The following RREB1 variants were observed in gnomAD, a reference collection of about 807,000 sequenced individuals.
The protein encoded by RREB1 is ras-responsive element-binding protein 1.
A neutral mutation model predicts 117.8 loss-of-function variants in RREB1; 27 were observed. The ratio of observed to expected loss-of-function variants is 0.23; its 90% CI spans 0.17 to 0.32. The LOEUF is 0.32. Among genes scored for constraint, RREB1 ranks in the 10% least tolerant of loss-of-function variants. The probability of loss-of-function intolerance (pLI) is 1.00; values close to 1 mark genes in which losing one functional copy is unlikely to be tolerated. For missense variants in RREB1, 2,577 were observed against 2,378.2 expected, an observed-to-expected ratio of 1.08 and a Z score of -1.74; for synonymous variants, 1,298 against 1,026.7, an observed-to-expected ratio of 1.26 and a Z score of -5.05.
intron 6 of RREB1, among the ~76,000 whole-genome samples, chr6:7,189,798 TAAGAAA>T (rs1415893746): frequency 6.6e-6 from 1 of 152,100 alleles, no homozygotes; most frequent in African/African-American, 2.4e-5. Context: ...AGGATAAAAT[TAAGAAA>T]AAGAAAATCT....
At chr6:7,121,373 C>T (rs1357212053) in intron 1 of RREB1, among the ~76,000 whole-genome samples, 1 of 152,308 alleles carries the variant, frequency 6.6e-6, no homozygotes, top group South Asian at 2.1e-4. Flanking sequence ...AGGACTCTCA[C>T]AGTGGCTCAA....
In RREB1 at chr6:7,247,237, C is replaced by T. The variant is rs1189790111; in HGVS notation, c.4771+16C>T. Reference sequence around the variant, plus strand: ...TCCCACACAGGTAACCAGGGCAGGCCAGGTCCCCGGCCCAACAAGAGGAGG... The same window carrying T: ...TCCCACACAGGTAACCAGGGCAGGCTAGGTCCCCGGCCCAACAAGAGGAGG... On this transcript the variant is annotated intron_variant, in intron 12 of 12. Transcript: ENST00000379938. 1.9e-6 allele frequency: 3 copies of T among 1,602,496 alleles called. No homozygotes were observed. Among genetic ancestry groups the T allele is most frequent in the African/African-American group, 1.3e-5 (1 of 74,516 alleles).
chr6:7,248,554 C>T lies in RREB1; in HGVS notation c.4815C>T (p.Thr1605=), dbSNP rs780571220. The change falls in exon 13 of 13, where the codon ACC becomes ACT. Residue 1605 remains threonine, a synonymous_variant. Transcript: ENST00000379938. ...GTCAGACCTGCGAGCGAACCTTCAC[C>T]TTGAAGCACAGCCTGGTTCGCCACC... ...YKCQTCERTF[T]LKHSLVRHQR... The T allele has an allele frequency of 6.2e-7, 1 of 1,614,284 alleles. No individual in the cohort carries two copies. Among genetic ancestry groups the T allele is most frequent in the East Asian group, 2.2e-5 (1 of 44,894 alleles).
At position 7,187,463 on chromosome 6, in the gene RREB1, C is replaced by T. The variant is rs780343869; in HGVS notation, c.201C>T (p.Asn67=). The part of the protein sequence containing the change: ...QETKEEKSSY[N]CPLCEKICTT... ...CGAAAGAGGAGAAGTCTTCCTATAACTGCCCCCTGTGTGAGAAGATTTGCA... is the reference window on the plus strand; with the variant it reads ...CGAAAGAGGAGAAGTCTTCCTATAATTGCCCCCTGTGTGAGAAGATTTGCA... Residue 67 remains asparagine, a synonymous_variant, in exon 5 of 13, where the codon AAC becomes AAT. Coordinates refer to ENST00000379938, the MANE Select transcript of RREB1 (RefSeq NM_001003699.4). 3.7e-6 allele frequency: 6 copies of T among 1,606,054 alleles called. No individual in the cohort carries two copies. Among genetic ancestry groups the T allele is most frequent in the East Asian group, 2.2e-5 (1 of 44,840 alleles).
Position 7,229,342 on chromosome 6 carries a change from T to C in RREB1, c.1243T>C (p.Phe415Leu), listed in dbSNP as rs772525626. 13 of 1,614,026 alleles carry C rather than the reference T, an allele frequency of 8.1e-6. No homozygotes were observed. The highest frequency in any genetic ancestry group is 6.7e-5 in the Admixed American group (4 of 60,008). ...CACCAACCTGCTGAGCCTGTCACCT[T>C]TCGAAGCTGCTTCCCTAGGCGGTTC... ...GCTNLLSLSP[F>L]EAASLGGSLT... The change falls in exon 10 of 13, where the codon TTC becomes CTC. Residue 415 changes from phenylalanine to leucine, a missense_variant. Transcript: ENST00000379938. This position sits in a 1 kb window ranked among gnomAD's most constrained non-coding sequence, Gnocchi z 4.5.
At chr6:7,239,824 G>A (rs563233191) in intron 10 of RREB1, among the ~76,000 whole-genome samples, 2 of 152,232 alleles carry the variant, frequency 1.3e-5, no homozygotes, top group Admixed American at 1.3e-4. Flanking sequence ...TTGAACAGAG[G>A]TCACTGCAGG....
At chr6:7,206,150 C>A (rs6939362) in intron 6 of RREB1, among the ~76,000 whole-genome samples, 84,101 of 152,164 alleles carry the variant, frequency 0.55, 24,094 homozygotes, top group East Asian at 0.74. Flanking sequence ...AGGCAGAACT[C>A]TACTTGGATT....
chr6:7,196,231 G>GTTTTTTTTTTTTTTT (rs1179803646), intron 6 of RREB1, among the ~76,000 whole-genome samples: 1 of 83,796 alleles, frequency 1.2e-5, no homozygotes, highest in Non-Finnish European at 2.5e-5. Context: ...TTTTTTTTTT[G>GTTTTTTTTTTTTTTT]TTTTTTTTTT....
At chr6:7,124,371 C>G (rs1761817901) in intron 1 of RREB1, among the ~76,000 whole-genome samples, 1 of 152,136 alleles carries the variant, frequency 6.6e-6, no homozygotes, top group Non-Finnish European at 1.5e-5. Flanking sequence ...TGATTTATGT[C>G]ATTGTTATCT....
At chr6:7,143,157 C>G (rs141591547) in intron 1 of RREB1, among the ~76,000 whole-genome samples, 1 of 152,356 alleles carries the variant, frequency 6.6e-6, no homozygotes, top group Non-Finnish European at 1.5e-5. Context: ...GGCTGGCTTG[C>G]TTGCTTGCTG....
chr6:7,219,314 C>G (rs547965297), intron 8 of RREB1, among the ~76,000 whole-genome samples: 4 of 152,204 alleles, frequency 2.6e-5, no homozygotes, highest in African/African-American at 9.6e-5. Context: ...CTTTTGTTTT[C>G]TTAAGACTTA....
In RREB1 at chr6:7,210,900, G is replaced by A; in HGVS notation, c.522G>A (p.Leu174=). 6.2e-7 allele frequency: 1 copy of A among 1,614,166 alleles called. No individual in the cohort carries two copies. The highest frequency in any genetic ancestry group is 8.5e-7 in the Non-Finnish European group (1 of 1,180,020). Residue 174 remains leucine, a synonymous_variant, in exon 7 of 13, where the codon CTG becomes CTA. Transcript: ENST00000379938. ...GGCGATTGTCCTCCAAGAGGAAACTGAGTCACGATGCCGAGTCAGAGAGAG... is the reference window on the plus strand; with the variant it reads ...GGCGATTGTCCTCCAAGAGGAAACTAAGTCACGATGCCGAGTCAGAGAGAG... ...KRRRLSSKRK[L]SHDAESERED...
intron 1 of RREB1, among the ~76,000 whole-genome samples, chr6:7,162,271 C>T (rs571020363): frequency 7.3e-5 from 11 of 151,076 alleles, no homozygotes; most frequent in African/African-American, 2.7e-4. Context: ...GGCAGTTTAC[C>T]CTAAAAAAAA....
chr6:7,124,191 G>C (rs1208576027), intron 1 of RREB1, among the ~76,000 whole-genome samples: 1 of 152,170 alleles, frequency 6.6e-6, no homozygotes. Flanking sequence ...ACGGTGGCCT[G>C]TGTGTTCTGA....
chr6:7,179,903 T>C (rs1308367677), intron 2 of RREB1, among the ~76,000 whole-genome samples: 1 of 152,150 alleles, frequency 6.6e-6, no homozygotes, highest in East Asian at 1.9e-4. Context: ...CCTCCCACCT[T>C]GGCCTCCCAA....
intron 8 of RREB1, chr6:7,215,003 T>G: frequency 6.6e-6 from 1 of 152,316 alleles, no homozygotes. Context: ...AGGTGTTAGC[T>G]TCACCCTGAC....
chr6:7,200,924 G>C (rs950426079), intron 6 of RREB1, among the ~76,000 whole-genome samples: 1 of 152,206 alleles, frequency 6.6e-6, no homozygotes, highest in Admixed American at 6.5e-5. Flanking sequence ...TATCTTTAAT[G>C]CAAGCAGTAC....
At chr6:7,244,565 G>C (rs2113186356) in intron 11 of RREB1, among the ~76,000 whole-genome samples, 1 of 152,318 alleles carries the variant, frequency 6.6e-6, no homozygotes, top group Admixed American at 6.5e-5. Flanking sequence ...CCAGACATTG[G>C]TGTGCATATC....
intron 1 of RREB1, among the ~76,000 whole-genome samples, chr6:7,119,463 G>C (rs1433093221): frequency 6.6e-6 from 1 of 152,220 alleles, no homozygotes; most frequent in Non-Finnish European, 1.5e-5. Flanking sequence ...AAGATGCTGG[G>C]AGGCCGGTCA....
Sources: allele counts gnomAD v4.1 joint callset (sites outside exome capture counted in the v4.1 genomes callset), GRCh38; gene constraint gnomAD v4.1.1; non-coding constraint Gnocchi (gnomAD v3.1); transcripts MANE v1.5; gene names NCBI Gene and HGNC (gene_info 2026-07-23, HGNC 2026-07-21).